DNM3: variants seen among roughly 807,000 people sequenced by gnomAD.
The protein encoded by DNM3 is dynamin-3.
In DNM3, 47 loss-of-function variants were observed where a neutral mutation model predicts 101.6. The observed-to-expected ratio is 0.46, with a 90% confidence interval of 0.37 to 0.59. The LOEUF (loss-of-function observed/expected upper bound fraction) is 0.59, where lower values mean the gene tolerates loss of function less well. DNM3 is among the 20% of genes least tolerant of loss of function. DNM3 has a pLI of 0.00. For synonymous variants in DNM3, 385 were observed against 387.9 expected (o/e 0.99, Z 0.09); for missense variants, 849 against 1,085.7 (o/e 0.78, Z 3.06).
intron 16 of DNM3, among the ~76,000 whole-genome samples, chr1:172,320,388 TAAAAAA>T (rs1268509136): frequency 2.3e-5 from 2 of 88,570 alleles, no homozygotes; most frequent in African/African-American, 1.1e-4. Context: ...ATAATAATAA[TAAAAAA>T]AAGAAAAAAA....
chr1:172,339,346 G>A (rs538250627), intron 17 of DNM3, among the ~76,000 whole-genome samples: 1 of 152,134 alleles, frequency 6.6e-6, no homozygotes, highest in Non-Finnish European at 1.5e-5. Flanking sequence ...TCACCAATAT[G>A]TTTCTAGAAC....
At chr1:171,996,537 T>C (rs1392437479) in intron 4 of DNM3, among the ~76,000 whole-genome samples, 1 of 152,112 alleles carries the variant, frequency 6.6e-6, no homozygotes, top group Non-Finnish European at 1.5e-5. Context: ...AGACCATTCC[T>C]CTGCTAGGTG....
chr1:172,275,450 C>A (rs1049999732), intron 15 of DNM3, among the ~76,000 whole-genome samples: 1 of 151,872 alleles, frequency 6.6e-6, no homozygotes, highest in Non-Finnish European at 1.5e-5. Context: ...CTTTATAGTG[C>A]CTTCTTTCAA....
At chr1:171,942,274 G>T (rs2041870437) in intron 2 of DNM3, among the ~76,000 whole-genome samples, 1 of 138,206 alleles carries the variant, frequency 7.2e-6, no homozygotes, top group Non-Finnish European at 1.5e-5. Flanking sequence ...CTGGACCTCA[G>T]TTACTGCTCT....
intron 2 of DNM3, among the ~76,000 whole-genome samples, chr1:171,927,079 T>A (rs2040629739): frequency 6.6e-6 from 1 of 152,156 alleles, no homozygotes; most frequent in South Asian, 2.1e-4. Flanking sequence ...ATAAAAGGCA[T>A]CTACCCTGGA....
At chr1:172,332,658 G>A (rs935861057) in intron 17 of DNM3, among the ~76,000 whole-genome samples, 1 of 152,120 alleles carries the variant, frequency 6.6e-6, no homozygotes, top group Non-Finnish European at 1.5e-5. Context: ...CAGGCCAGTA[G>A]GATTATTGCC....
At chr1:171,973,348 C>G (rs6425520) in intron 2 of DNM3, among the ~76,000 whole-genome samples, 80,981 of 151,942 alleles carry the variant, frequency 0.53, 22,734 homozygotes, top group East Asian at 0.74. Flanking sequence ...TGTTTAACCT[C>G]TTTGAGGCTA....
At chr1:172,135,914 C>T (rs554406690) in intron 14 of DNM3, among the ~76,000 whole-genome samples, 135 of 152,022 alleles carry the variant, frequency 8.9e-4, no homozygotes, top group African/African-American at 2.6e-3. Context: ...AGAGATAATT[C>T]AAATCTCTGA....
At chr1:172,317,239 G>C (rs2065423608) in intron 16 of DNM3, among the ~76,000 whole-genome samples, 1 of 151,434 alleles carries the variant, frequency 6.6e-6, no homozygotes, top group Non-Finnish European at 1.5e-5. Context: ...ATTCAAAGCA[G>C]TGTGTAGAGG....
chr1:171,900,052 G>C (rs1193073634), intron 1 of DNM3, among the ~76,000 whole-genome samples: 1 of 152,170 alleles, frequency 6.6e-6, no homozygotes, highest in East Asian at 1.9e-4. Context: ...CTGCACAGTG[G>C]GGGAGGATTG....
chr1:171,891,588 CTCT>C (rs1414064210), intron 1 of DNM3, among the ~76,000 whole-genome samples: 6 of 152,252 alleles, frequency 3.9e-5, no homozygotes, highest in African/African-American at 1.4e-4. Flanking sequence ...TGTCTCTAGG[CTCT>C]TCTTAGATGT....
At chr1:172,278,286 C>A (rs1051933263) in intron 15 of DNM3, among the ~76,000 whole-genome samples, 6 of 151,942 alleles carry the variant, frequency 3.9e-5, no homozygotes, top group African/African-American at 1.2e-4. Flanking sequence ...ATTTATAGCC[C>A]CTTCAAAGGG....
chr1:171,908,657 T>C, intron 1 of DNM3, among the ~76,000 whole-genome samples: 1 of 139,192 alleles, frequency 7.2e-6, no homozygotes, highest in South Asian at 2.3e-4. Context: ...TTTAAATGAA[T>C]AATAATAATA....
chr1:172,243,766 A>G (rs571665591), intron 14 of DNM3, among the ~76,000 whole-genome samples: 1 of 152,312 alleles, frequency 6.6e-6, no homozygotes, highest in South Asian at 2.1e-4. Flanking sequence ...TACTATTCAA[A>G]ATATAATTCT....
intron 1 of DNM3, among the ~76,000 whole-genome samples, chr1:171,859,032 T>C (rs1231161514): frequency 6.6e-6 from 1 of 152,158 alleles, no homozygotes; most frequent in Admixed American, 6.6e-5. Context: ...ATCACATCAC[T>C]GTCATAGTTA....
downstream of DNM3, among the ~76,000 whole-genome samples, chr1:172,413,375 C>T (rs1182333281): frequency 1.3e-5 from 2 of 152,088 alleles, no homozygotes; most frequent in East Asian, 1.9e-4. Flanking sequence ...TACAGGCGCC[C>T]GCCACCACGC....
chr1:172,001,407 G>T (rs2046351356), intron 4 of DNM3, among the ~76,000 whole-genome samples: 1 of 151,980 alleles, frequency 6.6e-6, no homozygotes, highest in African/African-American at 2.4e-5. Flanking sequence ...ATGGAAAGCA[G>T]AGGAGTTAGT....
At chr1:172,098,036 A>T (rs1413813290) in intron 13 of DNM3, among the ~76,000 whole-genome samples, 3 of 152,168 alleles carry the variant, frequency 2.0e-5, no homozygotes, top group Non-Finnish European at 2.9e-5. Flanking sequence ...GGACCACAGG[A>T]CCAGGGTGAA....
At chr1:172,165,759 A>C (rs1451264960) in intron 14 of DNM3, among the ~76,000 whole-genome samples, 1 of 152,106 alleles carries the variant, frequency 6.6e-6, no homozygotes, top group Non-Finnish European at 1.5e-5. Context: ...ATGCTTCTTT[A>C]AAATATATTA....
Sources: allele counts gnomAD v4.1 joint callset (sites outside exome capture counted in the v4.1 genomes callset), GRCh38; gene constraint gnomAD v4.1.1; transcripts MANE v1.5; gene names NCBI Gene and HGNC (gene_info 2026-07-23, HGNC 2026-07-21).